Variants in AGO4 observed in about 807,000 individuals in gnomAD.
AGO4 encodes the protein protein argonaute-4.
AGO4 carries 33 observed loss-of-function variants against 104.7 expected under a neutral mutation model. The ratio of observed to expected loss-of-function variants is 0.32; its 90% CI spans 0.24 to 0.42. The LOEUF (loss-of-function observed/expected upper bound fraction) is 0.42. Among genes scored for constraint, AGO4 ranks in the 10% least tolerant of loss-of-function variants. The pLI is 1.00. For synonymous variants in AGO4, 331 were observed against 364.7 expected (o/e 0.91, Z 1.05); for missense variants, 711 against 1,083.4 (o/e 0.66, Z 4.83).
intron 13 of AGO4, among the ~76,000 whole-genome samples, chr1:35,837,413 C>G (rs1023249996): frequency 3.3e-5 from 5 of 151,716 alleles, no homozygotes; most frequent in Admixed American, 3.3e-4. Flanking sequence ...GGGTCTCACT[C>G]TGTCTTCCAG....
At chr1:35,849,245 G>C (rs1644643763) in intron 15 of AGO4, among the ~76,000 whole-genome samples, 1 of 152,126 alleles carries the variant, frequency 6.6e-6, no homozygotes, top group African/African-American at 2.4e-5. Flanking sequence ...TAGATGATTA[G>C]ATTGAGGTAT....
At chr1:35,847,445 G>A (rs935654318) in intron 15 of AGO4, among the ~76,000 whole-genome samples, 1 of 152,026 alleles carries the variant, frequency 6.6e-6, no homozygotes, top group African/African-American at 2.4e-5. Context: ...TGTTGGCCAG[G>A]CTGGTCTTGA....
At chr1:35,820,805 A>G (rs1643873196) in intron 2 of AGO4, among the ~76,000 whole-genome samples, 2 of 152,210 alleles carry the variant, frequency 1.3e-5, no homozygotes, top group South Asian at 4.1e-4. Context: ...CAGAGTACAA[A>G]GGCTTATTGT....
intron 2 of AGO4, among the ~76,000 whole-genome samples, chr1:35,819,553 C>T (rs1316888187): frequency 1.3e-5 from 2 of 151,764 alleles, no homozygotes; most frequent in Non-Finnish European, 2.9e-5. Context: ...TATGGTGAAA[C>T]CCTGTCTCTA....
At position 35,832,403 on chromosome 1, in the gene AGO4, C is replaced by T. The variant is rs527438254; in HGVS notation, c.1246-34C>T. 2.5e-4 allele frequency: 376 copies of T among 1,532,376 alleles called. 1 individual carries two copies. In the South Asian group the frequency reaches 4.5e-3, roughly 18 times the overall value. The allele number at this position is 1,532,376 out of a possible 1,614,324, so 94.9% of individuals were successfully genotyped here. A position where few individuals can be genotyped will look rare whatever the true frequency, so the allele number is the denominator to read the frequency against. On this transcript the variant is annotated intron_variant, in intron 10 of 17. Transcript: ENST00000373210. ...TCTTTTCTCTTTTCTTTTGTTTCTT[C>T]TTCTTCTTCTTCTTCTTTTTTTTTT...
rs753149888 is a variant in AGO4 at position 35,850,118 on chromosome 1, G to T, written c.2176-39G>T. 25 of 1,442,160 alleles carry T rather than the reference G, an allele frequency of 1.7e-5. No homozygotes were observed. In the South Asian group the frequency reaches 3.3e-4, roughly 19 times the overall value. 89.3% of individuals were successfully genotyped at this position (1,442,160 alleles called of 1,614,324 possible). On this transcript the variant is annotated intron_variant, in intron 15 of 17. Transcript: ENST00000373210. ...AAAAAAATGGCCTGACCACAGTTTG[G>T]CACTTTGATGACTAATTACTTTTTT... is the stretch of plus-strand genomic sequence containing the variant.
At chr1:35,828,623 G>A (rs1029190173) in intron 7 of AGO4, among the ~76,000 whole-genome samples, 4 of 151,634 alleles carry the variant, frequency 2.6e-5, no homozygotes, top group Non-Finnish European at 2.9e-5. Flanking sequence ...CGGTTCAAGC[G>A]ATTCTCCTGC....
rs901959532 is a variant in AGO4, at chr1:35,842,000, T to C, written c.2175+250T>C. ...GCTGATTTCTCGAGTTGTTTTTGTG[T>C]CGGGGGGAGTAGGTCAGAAACATGC... On this transcript the variant is annotated intron_variant, in intron 15 of 17. Coordinates refer to ENST00000373210, the MANE Select transcript of AGO4 (RefSeq NM_017629.4). This position sits in a 1 kb window ranked among gnomAD's most constrained non-coding sequence, Gnocchi z 4.7. Among the ~76,000 whole-genome samples the C allele has an allele frequency of 6.6e-6, 1 of 152,110 alleles. No individual in the cohort carries two copies. Among genetic ancestry groups the C allele is most frequent in the Non-Finnish European group, 1.5e-5 (1 of 68,014 alleles).
At chr1:35,824,449 AT>A (rs1463725853) in intron 3 of AGO4, among the ~76,000 whole-genome samples, 1 of 150,526 alleles carries the variant, frequency 6.6e-6, no homozygotes, top group Non-Finnish European at 1.5e-5. Context: ...CTACCTTATT[AT>A]TTTTTTTCAA....
intron 15 of AGO4, among the ~76,000 whole-genome samples, chr1:35,845,196 CTT>C (rs35260905): frequency 0.12 from 1,446 of 11,652 alleles, 413 homozygotes; most frequent in East Asian, 0.72. Flanking sequence ...TGTAATCAGA[CTT>C]TTTTTTTTTT....
intron 2 of AGO4, among the ~76,000 whole-genome samples, chr1:35,819,424 T>A (rs939064337): frequency 6.6e-6 from 1 of 151,680 alleles, no homozygotes; most frequent in African/African-American, 2.4e-5. Context: ...GGCTAGACTC[T>A]GTCTATATTA....
intron 1 of AGO4, among the ~76,000 whole-genome samples, chr1:35,813,827 A>T (rs1643590457): frequency 1.3e-5 from 2 of 150,860 alleles, no homozygotes; most frequent in Admixed American, 1.3e-4. Context: ...AAGAAGAGAG[A>T]CACTTTGGGA....
intron 11 of AGO4, 73 bp downstream of exon 11, chr1:35,832,643 C>CT: frequency 6.6e-7 from 1 of 1,526,108 alleles, no homozygotes; most frequent in South Asian, 1.3e-5. Context: ...TGTGAATGTG[C>CT]TGTGTACACT....
chr1:35,811,150 CAAAAA>C lies in AGO4; in HGVS notation c.19+2720_19+2724del, dbSNP rs376134737. On this transcript the variant is annotated intron_variant, in intron 1 of 17. Transcript: ENST00000373210. ...CCTGCCTCAAAACAAAACAAAACAA[CAAAAA>C]AAAACCAACCAAACCACAACAAAAA... Among the ~76,000 whole-genome samples the C allele has an allele frequency of 2.0e-5, 3 of 149,130 alleles. No individual in the cohort carries two copies. The Admixed American group carries it at 2.0e-4, about 10-fold the overall frequency.
intron 15 of AGO4, among the ~76,000 whole-genome samples, chr1:35,846,413 C>T (rs879714210): frequency 1.3e-5 from 2 of 151,846 alleles, no homozygotes; most frequent in African/African-American, 2.4e-5. Context: ...CTGGCTACCA[C>T]GGTGAAACCC....
intron 2 of AGO4, among the ~76,000 whole-genome samples, chr1:35,818,377 A>G (rs1643780547): frequency 6.6e-6 from 1 of 152,100 alleles, no homozygotes; most frequent in African/African-American, 2.4e-5. Context: ...TAATCCCAGC[A>G]CTTTGGGAGG....
At chr1:35,852,511 G>A (rs1644726224) in intron 17 of AGO4, among the ~76,000 whole-genome samples, 2 of 152,164 alleles carry the variant, frequency 1.3e-5, no homozygotes, top group African/African-American at 4.8e-5. Context: ...AGAGACTGGT[G>A]GCACAATAGC....
At chr1:35,849,419 G>C (rs1224359595) in intron 15 of AGO4, among the ~76,000 whole-genome samples, 1 of 150,280 alleles carries the variant, frequency 6.7e-6, no homozygotes, top group East Asian at 2.0e-4. Context: ...GTGGTAGCTC[G>C]CACCTGTAGT....
In AGO4 at chr1:35,841,819, T is replaced by C; in HGVS notation, c.2175+69T>C. The C allele has an allele frequency of 5.6e-6, 4 of 710,522 alleles. No individual in the cohort carries two copies. The highest frequency in any genetic ancestry group is 5.2e-5 in the East Asian group (1 of 19,278). The allele number at this position is 710,522 out of a possible 1,614,324, so 44.0% of individuals were successfully genotyped here. A position where few individuals can be genotyped will look rare whatever the true frequency, so the allele number is the denominator to read the frequency against. ...AGAGATGTATATATGCACATATATA[T>C]ATATATATATATATATATACACCAT... On this transcript the variant is annotated intron_variant, in intron 15 of 17. Coordinates refer to ENST00000373210, the MANE Select transcript of AGO4 (RefSeq NM_017629.4). This position sits in a 1 kb window ranked among gnomAD's most constrained non-coding sequence, Gnocchi z 4.7.
Sources: allele counts gnomAD v4.1 joint callset (sites outside exome capture counted in the v4.1 genomes callset), GRCh38; gene constraint gnomAD v4.1.1; non-coding constraint Gnocchi (gnomAD v3.1); transcripts MANE v1.5; gene names NCBI Gene and HGNC (gene_info 2026-07-23, HGNC 2026-07-21).